EXOC2: variants seen among roughly 807,000 people sequenced by gnomAD.
The protein encoded by EXOC2 is exocyst complex component 2.
EXOC2 carries 70 observed loss-of-function variants against 131.8 expected under a neutral mutation model. The observed-to-expected ratio is 0.53, with a 90% CI of 0.44 to 0.65. The LOEUF is 0.65. EXOC2 is among the 30% of genes least tolerant of loss of function. The pLI, the probability that EXOC2 is intolerant of heterozygous loss-of-function variation, is 0.00. For synonymous variants in EXOC2, 411 were observed against 398.4 expected (o/e 1.03, Z -0.38); for missense variants, 923 against 1,108.6 (o/e 0.83, Z 2.38).
At chr6:542,147 G>C (rs1436803142) in intron 22 of EXOC2, among the ~76,000 whole-genome samples, 1 of 152,208 alleles carries the variant, frequency 6.6e-6, no homozygotes. Context: ...GGCTGTGCAG[G>C]GGCACAAGTG....
At chr6:584,079 A>G (rs1490757758) in intron 11 of EXOC2, among the ~76,000 whole-genome samples, 3 of 152,264 alleles carry the variant, frequency 2.0e-5, no homozygotes, top group Non-Finnish European at 4.4e-5. Context: ...TAACTTTAAA[A>G]TTAAAATGAT....
chr6:490,351 G>C (rs142971359), intron 26 of EXOC2, among the ~76,000 whole-genome samples: 40 of 152,276 alleles, frequency 2.6e-4, no homozygotes, highest in Admixed American at 4.6e-4. Context: ...TTAGTATGTT[G>C]TACAGACAAA....
intron 1 of EXOC2, among the ~76,000 whole-genome samples, chr6:665,172 T>C (rs1232816345): frequency 6.6e-6 from 1 of 151,952 alleles, no homozygotes; most frequent in African/African-American, 2.4e-5. Flanking sequence ...CCAACAAACA[T>C]ATGAAAAAAA....
At chr6:495,603 G>A (rs1435770891) in intron 25 of EXOC2, among the ~76,000 whole-genome samples, 8 of 152,322 alleles carry the variant, frequency 5.3e-5, no homozygotes, top group Middle Eastern at 3.4e-3. Context: ...AGCTTGAGAA[G>A]AAAGTGCAGG....
At chr6:540,248 C>T (rs769178349) in intron 22 of EXOC2, among the ~76,000 whole-genome samples, 1 of 152,224 alleles carries the variant, frequency 6.6e-6, no homozygotes, top group Non-Finnish European at 1.5e-5. Context: ...AGCCACCACA[C>T]CCAGCCAGGA....
At chr6:673,702 T>C (rs1023334761) in intron 1 of EXOC2, among the ~76,000 whole-genome samples, 2 of 152,202 alleles carry the variant, frequency 1.3e-5, no homozygotes, top group African/African-American at 4.8e-5. Flanking sequence ...AAAAAATATA[T>C]AACTTTTTAC....
intron 1 of EXOC2, among the ~76,000 whole-genome samples, chr6:684,803 A>T (rs1318537700): frequency 6.6e-6 from 1 of 152,244 alleles, no homozygotes; most frequent in Non-Finnish European, 1.5e-5. Flanking sequence ...TAAAGAAAAA[A>T]ATCAGAAATG....
At chr6:654,889 A>G (rs1208311990) in intron 1 of EXOC2, among the ~76,000 whole-genome samples, 1 of 148,490 alleles carries the variant, frequency 6.7e-6, no homozygotes, top group African/African-American at 2.5e-5. Flanking sequence ...ACAGATGAAG[A>G]GTTGCTTCTT....
intron 11 of EXOC2, among the ~76,000 whole-genome samples, chr6:581,097 C>G (rs568256413): frequency 6.6e-6 from 1 of 151,478 alleles, no homozygotes; most frequent in African/African-American, 2.4e-5. Flanking sequence ...AGTTCGAGAC[C>G]GGCCTGACCA....
At chr6:546,806 A>C (rs1173665771) in intron 22 of EXOC2, among the ~76,000 whole-genome samples, 1 of 152,266 alleles carries the variant, frequency 6.6e-6, no homozygotes, top group Non-Finnish European at 1.5e-5. Context: ...TTTTATTCAT[A>C]AGGCTTCCAG....
chr6:502,391 G>A (rs557926603), intron 23 of EXOC2, among the ~76,000 whole-genome samples: 1 of 152,248 alleles, frequency 6.6e-6, no homozygotes, highest in South Asian at 2.1e-4. Context: ...AAGAGTGGGG[G>A]CAGAGTGCTG....
At chr6:579,965 A>C (rs1431485076) in intron 11 of EXOC2, among the ~76,000 whole-genome samples, 1 of 151,998 alleles carries the variant, frequency 6.6e-6, no homozygotes, top group African/African-American at 2.4e-5. Context: ...ATTTTGTTTC[A>C]TCTTACAATA....
chr6:488,146 T>C (rs1158935368), intron 27 of EXOC2, among the ~76,000 whole-genome samples: 1 of 152,064 alleles, frequency 6.6e-6, no homozygotes. Flanking sequence ...CGGGGACTGA[T>C]GGTGGAAGGG....
intron 1 of EXOC2, among the ~76,000 whole-genome samples, chr6:686,566 T>A (rs9504755): frequency 6.6e-6 from 1 of 152,122 alleles, no homozygotes; most frequent in Non-Finnish European, 1.5e-5. Context: ...ATATAGGGAA[T>A]GCCTGACAAC....
intron 18 of EXOC2, among the ~76,000 whole-genome samples, chr6:556,279 T>C (rs1030296518): frequency 6.6e-6 from 1 of 152,084 alleles, no homozygotes; most frequent in Non-Finnish European, 1.5e-5. Context: ...CTGTAACCAC[T>C]CCACCTACAA....
intron 22 of EXOC2, among the ~76,000 whole-genome samples, chr6:547,361 C>G (rs1443140712): frequency 6.6e-6 from 1 of 152,200 alleles, no homozygotes; most frequent in Non-Finnish European, 1.5e-5. Context: ...TTGGCCTGCC[C>G]TGGCTCACAC....
chr6:535,558 A>T (rs1486171157), intron 22 of EXOC2, among the ~76,000 whole-genome samples: 3 of 152,226 alleles, frequency 2.0e-5, no homozygotes, highest in Non-Finnish European at 4.4e-5. Flanking sequence ...TATGCCATCA[A>T]GTCTTGACAA....
intron 1 of EXOC2, among the ~76,000 whole-genome samples, chr6:678,412 A>C (rs1267029918): frequency 5.9e-5 from 9 of 152,248 alleles, no homozygotes; most frequent in African/African-American, 2.2e-4. Context: ...AAATAAAAGT[A>C]ACCTAGTATT....
intron 23 of EXOC2, among the ~76,000 whole-genome samples, chr6:504,033 T>G (rs1764382960): frequency 6.6e-6 from 1 of 152,270 alleles, no homozygotes; most frequent in South Asian, 2.1e-4. Flanking sequence ...AAGCCCGTGC[T>G]GGGACAGGTG....
Sources: gnomAD v4.1 joint callset for allele counts (sites outside exome capture counted in the v4.1 genomes callset) on GRCh38, gnomAD v4.1.1 for gene constraint, MANE v1.5 for transcripts, NCBI Gene and HGNC (gene_info 2026-07-23, HGNC 2026-07-21) for gene names.